Variants in CERS4 observed in about 807,000 individuals in gnomAD.
CERS4 encodes ceramide synthase 4, also known as LAG1 homolog, ceramide synthase 4.
A neutral mutation model predicts 51.8 loss-of-function variants in CERS4; 65 were observed. The ratio of observed to expected loss-of-function variants is 1.26; its 90% CI spans 1.03 to 1.54. The LOEUF (loss-of-function observed/expected upper bound fraction) is 1.54. Among genes scored for constraint, CERS4 ranks in the 40% most tolerant of loss-of-function variants. The pLI, the probability that CERS4 is intolerant of heterozygous loss-of-function variation, is 0.00. For synonymous variants in CERS4, 228 were observed against 208.4 expected (o/e 1.09, Z -0.81); for missense variants, 563 against 500.4 (o/e 1.13, Z -1.19).
At chr19:8,251,391 C>T (rs1969072154) in intron 3 of CERS4, 142 bp downstream of exon 3, 1 of 1,377,412 alleles carries the variant, frequency 7.3e-7, no homozygotes, top group Non-Finnish European at 9.4e-7. Flanking sequence ...TCCAGCCTGC[C>T]CCCAGCCGCC....
At chr19:8,238,031 T>C (rs1031266086) in intron 2 of CERS4, among the ~76,000 whole-genome samples, 2 of 151,970 alleles carry the variant, frequency 1.3e-5, no homozygotes, top group African/African-American at 4.8e-5. Flanking sequence ...AACAATCAGA[T>C]GGTAATCCCC....
chr19:8,251,986 G>C (rs1250144685), intron 3 of CERS4, among the ~76,000 whole-genome samples: 2 of 150,862 alleles, frequency 1.3e-5, no homozygotes, highest in African/African-American at 4.9e-5. Flanking sequence ...CAGCAATTTG[G>C]GAGGCTGAGG....
At chr19:8,218,843 C>T (rs1329414525) in intron 2 of CERS4, among the ~76,000 whole-genome samples, 1 of 152,092 alleles carries the variant, frequency 6.6e-6, no homozygotes, top group South Asian at 2.1e-4. Context: ...ACCCAGAGGG[C>T]TGATGGAAGA....
intron 9 of CERS4, among the ~76,000 whole-genome samples, chr19:8,257,574 G>T (rs1326693411): frequency 6.6e-6 from 1 of 152,168 alleles, no homozygotes; most frequent in Non-Finnish European, 1.5e-5. Context: ...GGGATTACAG[G>T]CACTTGCCAC....
intron 2 of CERS4, among the ~76,000 whole-genome samples, chr19:8,237,588 T>C (rs1968321566): frequency 6.6e-6 from 1 of 152,004 alleles, no homozygotes; most frequent in East Asian, 1.9e-4. Flanking sequence ...TGGTGGCTTA[T>C]GCCTGTAATC....
intron 2 of CERS4, chr19:8,222,303 G>C (rs916341079): frequency 3.9e-5 from 6 of 151,926 alleles, no homozygotes; most frequent in African/African-American, 1.5e-4. Flanking sequence ...TCAGCCTCCT[G>C]AGTAGCTGGG....
intron 2 of CERS4, among the ~76,000 whole-genome samples, chr19:8,244,968 C>T (rs1414336121): frequency 6.6e-6 from 1 of 151,928 alleles, no homozygotes; most frequent in Non-Finnish European, 1.5e-5. Flanking sequence ...CATGGTGAAA[C>T]CCTGTCTCTA....
At chr19:8,222,291 T>G (rs1037410050) in intron 2 of CERS4, 3 of 151,828 alleles carry the variant, frequency 2.0e-5, no homozygotes, top group African/African-American at 7.3e-5. Flanking sequence ...GATTCTCCTG[T>G]CTCAGCCTCC....
At chr19:8,252,203 T>TA (rs1969121878) in intron 3 of CERS4, among the ~76,000 whole-genome samples, 1 of 151,948 alleles carries the variant, frequency 6.6e-6, no homozygotes, top group Admixed American at 6.6e-5. Context: ...ACCCTGTCTC[T>TA]ACTAAAAGTA....
chr19:8,259,864 C>T (rs1969587278), intron 10 of CERS4, among the ~76,000 whole-genome samples: 1 of 152,096 alleles, frequency 6.6e-6, no homozygotes. Flanking sequence ...GAGTCTCAGT[C>T]CTCGGGCTTC....
At chr19:8,232,536 C>T (rs1968058579) in intron 2 of CERS4, among the ~76,000 whole-genome samples, 1 of 151,998 alleles carries the variant, frequency 6.6e-6, no homozygotes, top group African/African-American at 2.4e-5. Flanking sequence ...AGATGATCTG[C>T]CCACCTCGGC....
Position 8,210,215 on chromosome 19 carries a change from CT to C in CERS4, c.-158-489del. Among the ~76,000 whole-genome samples the C allele has an allele frequency of 6.6e-6, 1 of 152,216 alleles. No homozygotes were observed. Among genetic ancestry groups the C allele is most frequent in the East Asian group, 1.9e-4 (1 of 5,170 alleles). On this transcript the variant is annotated intron_variant, in intron 1 of 11. Coordinates refer to ENST00000251363, the MANE Select transcript of CERS4 (RefSeq NM_024552.3). This position sits in a 1 kb window ranked among gnomAD's most constrained non-coding sequence, Gnocchi z 4.2. The stretch of plus-strand genomic sequence containing the variant: ...GGTGCATGGCGTGATCGGATTGTGT[CT>C]TAAGAACATCCCGTAGCCGCTGTGG...
intron 2 of CERS4, among the ~76,000 whole-genome samples, chr19:8,212,265 C>G (rs985299764): frequency 1.1e-4 from 17 of 152,104 alleles, no homozygotes; most frequent in Non-Finnish European, 2.4e-4. Context: ...AGGGACTGCA[C>G]CAGGCCAGGG....
intron 2 of CERS4, among the ~76,000 whole-genome samples, chr19:8,245,122 A>ACAAAACAAACAACAACAAAAAAAC (rs755450125): frequency 7.7e-6 from 1 of 129,258 alleles, no homozygotes; most frequent in Admixed American, 7.8e-5. Context: ...AAAAAAAAAA[A>ACAAAACAAACAACAACAAAAAAAC]AAAAAAAAAA....
At chr19:8,230,985 T>A (rs931228690) in intron 2 of CERS4, among the ~76,000 whole-genome samples, 1 of 152,052 alleles carries the variant, frequency 6.6e-6, no homozygotes, top group South Asian at 2.1e-4. Flanking sequence ...GACTACAGGC[T>A]TATGCCACCA....
intron 4 of CERS4, 99 bp downstream of exon 4, chr19:8,254,715 G>A (rs1969281499): frequency 5.8e-6 from 6 of 1,030,964 alleles, no homozygotes; most frequent in African/African-American, 1.6e-5. Flanking sequence ...AAGCCAAGGT[G>A]GCTGCAGGCA....
chr19:8,260,967 A>AAAAAAAAAAAAAAAAC (rs1969661950), intron 10 of CERS4: 1 of 144,770 alleles, frequency 6.9e-6, no homozygotes, highest in Non-Finnish European at 1.5e-5. Flanking sequence ...AAAAAAAAAA[A>AAAAAAAAAAAAAAAAC]AAAAAAAAAA....
At position 8,258,408 on chromosome 19, in the gene CERS4, C is replaced by T. The variant is rs139915429; in HGVS notation, c.848+423C>T. ...AGCATGCGAAGGAGAGATTTACTAA[C>T]AAGAAAATAAATTTGACGGGCCGGG... On this transcript the variant is annotated intron_variant, in intron 10 of 11. Transcript: ENST00000251363. Among the ~76,000 whole-genome samples the T allele has an allele frequency of 3.4e-4, 52 of 152,230 alleles. No individual in the cohort carries two copies. The East Asian group carries it at 9.9e-3, about 29-fold the overall frequency.
intron 2 of CERS4, among the ~76,000 whole-genome samples, chr19:8,236,467 G>T (rs73495403): frequency 0.025 from 3,733 of 151,954 alleles, 150 homozygotes; most frequent in African/African-American, 0.084. Flanking sequence ...CAAGGCAAGA[G>T]GAACGCTTGA....
Sources: gnomAD v4.1 joint callset for allele counts (sites outside exome capture counted in the v4.1 genomes callset) on GRCh38, gnomAD v4.1.1 for gene constraint, Gnocchi (gnomAD v3.1) non-coding constraint, MANE v1.5 for transcripts, NCBI Gene and HGNC (gene_info 2026-07-23, HGNC 2026-07-21) for gene names.